The following TECRL variants were observed in gnomAD, a reference collection of about 807,000 sequenced individuals.
The protein encoded by TECRL is trans-2,3-enoyl-CoA reductase-like.
A neutral mutation model predicts 52.8 loss-of-function variants in TECRL; 63 were observed. The observed-to-expected ratio is 1.19, with a 90% CI of 0.97 to 1.47. The LOEUF (loss-of-function observed/expected upper bound fraction) is 1.47. Ranked by LOEUF, TECRL falls within the 40% of genes most tolerant of loss-of-function variation. TECRL has a pLI of 0.00. For missense variants in TECRL, 482 were observed against 429.6 expected, an observed-to-expected ratio of 1.12 and a Z score of -1.08; for synonymous variants, 164 against 141.9, an observed-to-expected ratio of 1.16 and a Z score of -1.10.
intron 9 of TECRL, among the ~76,000 whole-genome samples, chr4:64,288,850 C>G (rs998335014): frequency 6.6e-6 from 1 of 152,166 alleles, no homozygotes; most frequent in East Asian, 1.9e-4. Context: ...CCCAATTCTT[C>G]TCCATGACAG....
Position 64,339,519 on chromosome 4 carries a change from CT to C in TECRL, c.287-10964del, listed in dbSNP as rs1046618476. Among the ~76,000 whole-genome samples, 26 of 151,980 alleles carry C rather than the reference CT, an allele frequency of 1.7e-4. 1 individual carries two copies. The highest frequency in any genetic ancestry group is 1.4e-3 in the Admixed American group (22 of 15,242). On this transcript the variant is annotated intron_variant, in intron 2 of 11. Transcript: ENST00000381210. The stretch of plus-strand genomic sequence containing the variant: ...AATGCATATCACTAGACTTTACTAT[CT>C]AATATTATTTCTTCTAATTGCTATG...
intron 3 of TECRL, among the ~76,000 whole-genome samples, chr4:64,325,107 A>C (rs1303341307): frequency 1.3e-5 from 2 of 152,122 alleles, no homozygotes; most frequent in Admixed American, 1.3e-4. Flanking sequence ...TTGAAGATGG[A>C]GAAGGTCAAC....
At chr4:64,324,123 T>C (rs1168800950) in intron 3 of TECRL, among the ~76,000 whole-genome samples, 1 of 152,036 alleles carries the variant, frequency 6.6e-6, no homozygotes, top group Non-Finnish European at 1.5e-5. Context: ...GAGCTACTCA[T>C]AAGATAGAGG....
At chr4:64,378,684 G>A (rs1161940892) in intron 1 of TECRL, among the ~76,000 whole-genome samples, 3 of 151,998 alleles carry the variant, frequency 2.0e-5, no homozygotes, top group Non-Finnish European at 4.4e-5. Context: ...AATGTGTTCA[G>A]TATTTTGTAG....
Position 64,395,566 on chromosome 4 carries a change from C to G in TECRL, c.234+13552G>C, listed in dbSNP as rs371381497. On this transcript the variant is annotated intron_variant, in intron 1 of 11. Coordinates refer to ENST00000381210, the MANE Select transcript of TECRL (RefSeq NM_001010874.5). ...TTGATATCATGTAATCTGGACTTGACTTCTAAAATAAGCATCAAACAAAAC... is the reference window on the plus strand; with the variant it reads ...TTGATATCATGTAATCTGGACTTGAGTTCTAAAATAAGCATCAAACAAAAC... Among the ~76,000 whole-genome samples, 4 of 152,270 alleles carry G rather than the reference C, an allele frequency of 2.6e-5. No individual in the cohort carries two copies. In the South Asian group the frequency reaches 8.3e-4, roughly 31 times the overall value.
chr4:64,278,363 G>T lies in TECRL; in HGVS notation c.*1709C>A. 1 of 217,096 alleles carries T rather than the reference G, an allele frequency of 4.6e-6. No individual in the cohort carries two copies. The highest frequency in any genetic ancestry group is 7.8e-6 in the Non-Finnish European group (1 of 127,848). The allele number at this position is 217,096 out of a possible 1,614,324, so 13.4% of individuals were successfully genotyped here. ...ATACCTATGACACATCTCACTAACAGATTGAACAATAAAAGAATTAAATTA... is the reference window on the plus strand; with the variant it reads ...ATACCTATGACACATCTCACTAACATATTGAACAATAAAAGAATTAAATTA... On this transcript the variant is annotated 3_prime_UTR_variant, in exon 12 of 12. Coordinates refer to ENST00000381210, the MANE Select transcript of TECRL (RefSeq NM_001010874.5).
At chr4:64,393,023 G>A (rs1723651471) in intron 1 of TECRL, among the ~76,000 whole-genome samples, 1 of 151,916 alleles carries the variant, frequency 6.6e-6, no homozygotes, top group Admixed American at 6.6e-5. Context: ...GGAATGAGGT[G>A]GTGCTGTAGT....
chr4:64,280,106 T>C lies in TECRL; in HGVS notation c.1058A>G (p.His353Arg). 1 of 1,601,236 alleles carries C rather than the reference T, an allele frequency of 6.2e-7. No individual in the cohort carries two copies. Among genetic ancestry groups the C allele is most frequent in the Non-Finnish European group, 8.5e-7 (1 of 1,174,856 alleles). Residue 353 changes from histidine (H) to arginine (R), a missense_variant, in exon 12 of 12, where the codon CAT becomes CGT. Transcript: ENST00000381210. ...GAATGGAATCATTGCTGATTTTCTA[T>C]GAATATATGAATTGAATTTTCTCAG... ...IYLRKFNSYIHRKSAMIPFIL is the reference protein window; with the variant it reads ...IYLRKFNSYIRRKSAMIPFIL
intron 6 of TECRL, among the ~76,000 whole-genome samples, chr4:64,305,684 A>G (rs1724295083): frequency 6.6e-6 from 1 of 152,192 alleles, no homozygotes; most frequent in Non-Finnish European, 1.5e-5. Flanking sequence ...TGCTATTAGC[A>G]TTGTGCTTTA....
chr4:64,380,570 A>C (rs530246962), intron 1 of TECRL, among the ~76,000 whole-genome samples: 1 of 152,082 alleles, frequency 6.6e-6, no homozygotes, highest in South Asian at 2.1e-4. Context: ...TTTTCAGTTG[A>C]GTTTTAGTGT....
At chr4:64,385,227 T>G (rs1160001286) in intron 1 of TECRL, among the ~76,000 whole-genome samples, 1 of 152,160 alleles carries the variant, frequency 6.6e-6, no homozygotes, top group Non-Finnish European at 1.5e-5. Context: ...GATTGATCCT[T>G]AAGCTCCTGA....
Position 64,279,986 on chromosome 4 carries a change from G to A in TECRL, c.*86C>T. On this transcript the variant is annotated 3_prime_UTR_variant, in exon 12 of 12. Coordinates refer to ENST00000381210, the MANE Select transcript of TECRL (RefSeq NM_001010874.5). ...TATATACTGTTGCTCATGAATTGTT[G>A]GAGTATAATAGTTAACTATCCTTAA... 3 of 1,462,208 alleles carry A rather than the reference G, an allele frequency of 2.1e-6. No individual in the cohort carries two copies. Among genetic ancestry groups the A allele is most frequent in the Non-Finnish European group, 2.7e-6 (3 of 1,104,026 alleles). The allele number at this position is 1,462,208 out of a possible 1,614,324, so 90.6% of individuals were successfully genotyped here.
rs1724409191 is a variant in TECRL at position 64,402,324 on chromosome 4, TAAAC to T, written c.234+6790_234+6793del. On this transcript the variant is annotated intron_variant, in intron 1 of 11. Coordinates refer to ENST00000381210, the MANE Select transcript of TECRL (RefSeq NM_001010874.5). The stretch of plus-strand genomic sequence containing the variant: ...ATACATTTGTAAAATACAATGAAAA[TAAAC>T]TATTAGAAAAAAATACTAATATATC... 3.9e-5 allele frequency among the ~76,000 whole-genome samples: 6 copies of T among 152,120 alleles called. No homozygotes were observed. The South Asian group carries it at 1.2e-3, about 32-fold the overall frequency.
chr4:64,399,023 C>A (rs1216923242), intron 1 of TECRL, among the ~76,000 whole-genome samples: 1 of 152,044 alleles, frequency 6.6e-6, no homozygotes, highest in Non-Finnish European at 1.5e-5. Context: ...GCGTGTGTAG[C>A]CTGCCTTATT....
At chr4:64,347,282 C>T in intron 2 of TECRL, among the ~76,000 whole-genome samples, 1 of 152,108 alleles carries the variant, frequency 6.6e-6, no homozygotes, top group East Asian at 1.9e-4. Flanking sequence ...AGTAAATGGC[C>T]ATATCCTCAA....
intron 9 of TECRL, 75 bp from the exon 10 acceptor site, chr4:64,281,634 A>AGC: frequency 1.4e-6 from 1 of 714,866 alleles, no homozygotes; most frequent in Non-Finnish European, 2.3e-6. Flanking sequence ...ATATAATACT[A>AGC]AGTTCCCCAA....
At chr4:64,409,457 G>A (rs1324466837), upstream of TECRL, 4 of 1,487,972 alleles carry the variant, frequency 2.7e-6, no homozygotes, top group African/African-American at 1.4e-5. Flanking sequence ...AGGTCAAATG[G>A]TATGCCATTC....
intron 1 of TECRL, among the ~76,000 whole-genome samples, chr4:64,381,073 T>C (rs1722759118): frequency 6.6e-6 from 1 of 152,090 alleles, no homozygotes; most frequent in African/African-American, 2.4e-5. Context: ...TTCAATTTCT[T>C]TCATCAGAGT....
chr4:64,361,634 GA>G (rs1721209299), intron 2 of TECRL, among the ~76,000 whole-genome samples: 1 of 152,090 alleles, frequency 6.6e-6, no homozygotes, highest in African/African-American at 2.4e-5. Flanking sequence ...CAACCAGAAA[GA>G]AAACCAATAG....
Sources: allele counts gnomAD v4.1 joint callset (sites outside exome capture counted in the v4.1 genomes callset), GRCh38; gene constraint gnomAD v4.1.1; transcripts MANE v1.5; gene names NCBI Gene and HGNC (gene_info 2026-07-23, HGNC 2026-07-21).